The following PLCH1 variants were observed in gnomAD, a reference collection of about 807,000 sequenced individuals.
PLCH1 encodes phospholipase C eta 1, also known as 1-phosphatidylinositol 4,5-bisphosphate phosphodiesterase eta-1.
Under a neutral mutation model 126.7 loss-of-function variants are expected in PLCH1, and 60 were observed. That is an observed-to-expected ratio of 0.47 (90% CI 0.38 to 0.59). The LOEUF (loss-of-function observed/expected upper bound fraction) is 0.59. PLCH1 is among the 20% of genes least tolerant of loss of function. The probability of loss-of-function intolerance (pLI) is 0.00; values close to 1 mark genes in which losing one functional copy is unlikely to be tolerated. For missense variants in PLCH1, 1,723 were observed against 2,040.0 expected (o/e 0.84, Z 2.99); for synonymous variants, 719 against 734.9 (o/e 0.98, Z 0.35).
Position 155,504,643 on chromosome 3 carries a change from A to G in PLCH1, c.1633-17T>C. 6.6e-7 allele frequency: 1 copy of G among 1,507,386 alleles called. No individual in the cohort carries two copies. The highest frequency in any genetic ancestry group is 1.7e-5 in the Admixed American group (1 of 59,786). 93.4% of individuals were successfully genotyped at this position (1,507,386 alleles called of 1,614,324 possible). A position where few individuals can be genotyped will look rare whatever the true frequency, so the allele number is the denominator to read the frequency against. On this transcript the variant is annotated splice_polypyrimidine_tract_variant and intron_variant, in intron 12 of 22. Coordinates refer to ENST00000460012, the MANE Select transcript of PLCH1 (RefSeq NM_014996.4). Reference sequence around the variant, plus strand: ...ATCTGGACTCTGAATAAATAAAGGCATAATATAACTATTTATCTTCTTTGC... The same window carrying G: ...ATCTGGACTCTGAATAAATAAAGGCGTAATATAACTATTTATCTTCTTTGC...
chr3:155,706,131 G>A lies in PLCH1; in HGVS notation c.-40-1867C>T, dbSNP rs554878490. Among the ~76,000 whole-genome samples the A allele has an allele frequency of 5.9e-5, 8 of 134,934 alleles. No homozygotes were observed. The South Asian group carries it at 7.3e-4, about 12-fold the overall frequency. The allele number at this position is 134,934 out of a possible 152,430, so 88.5% of individuals were successfully genotyped here. Reference sequence around the variant, plus strand: ...AGAGGTTGCAGTGAGGTGAGACAGCGCCACTGCACTCCAGCCTGGTGACAG... The same window carrying A: ...AGAGGTTGCAGTGAGGTGAGACAGCACCACTGCACTCCAGCCTGGTGACAG... On this transcript the variant is annotated intron_variant, in intron 1 of 22. Transcript: ENST00000460012.
At chr3:155,648,371 T>A (rs1222435985) in intron 2 of PLCH1, among the ~76,000 whole-genome samples, 2 of 152,148 alleles carry the variant, frequency 1.3e-5, no homozygotes, top group East Asian at 3.9e-4. Context: ...AAGGGCAACT[T>A]TACGGACAGA....
intron 6 of PLCH1, 22 bp downstream of exon 6, chr3:155,583,450 C>T (rs746076528): frequency 2.4e-5 from 37 of 1,550,784 alleles, no homozygotes; most frequent in Non-Finnish European, 3.2e-5. Context: ...AGTAAACTTT[C>T]ATTTTAACAG....
At chr3:155,634,269 G>T (rs1457917247) in intron 2 of PLCH1, among the ~76,000 whole-genome samples, 1 of 152,178 alleles carries the variant, frequency 6.6e-6, no homozygotes, top group East Asian at 1.9e-4. Flanking sequence ...AGAAACAGCA[G>T]CAGCGTGTTG....
At chr3:155,539,419 C>T (rs1433958357) in intron 10 of PLCH1, among the ~76,000 whole-genome samples, 7 of 151,766 alleles carry the variant, frequency 4.6e-5, no homozygotes, top group African/African-American at 9.7e-5. Flanking sequence ...ATCAGACAAG[C>T]GAAAGAAATA....
At chr3:155,734,974 G>T (rs1429023190) in intron 1 of PLCH1, among the ~76,000 whole-genome samples, 2 of 152,122 alleles carry the variant, frequency 1.3e-5, no homozygotes, top group East Asian at 3.9e-4. Flanking sequence ...CTCCCAAAGT[G>T]CTGGGATTAC....
At chr3:155,701,410 A>G (rs1577341387) in intron 2 of PLCH1, among the ~76,000 whole-genome samples, 1 of 152,296 alleles carries the variant, frequency 6.6e-6, no homozygotes, top group East Asian at 1.9e-4. Flanking sequence ...TAGCTCTTTT[A>G]TCCTGGCAAC....
At chr3:155,486,073 T>C (rs1405274199) in intron 21 of PLCH1, 8 of 923,758 alleles carry the variant, frequency 8.7e-6, no homozygotes, top group African/African-American at 5.1e-5. Context: ...TGGAGTGATA[T>C]GAAAAAGCAT....
At chr3:155,727,918 A>G (rs981086866) in intron 1 of PLCH1, among the ~76,000 whole-genome samples, 1 of 151,370 alleles carries the variant, frequency 6.6e-6, no homozygotes, top group Non-Finnish European at 1.5e-5. Flanking sequence ...TCTAATTCAC[A>G]CTTACATTAA....
At chr3:155,647,350 C>T (rs1395330905) in intron 2 of PLCH1, among the ~76,000 whole-genome samples, 1 of 151,852 alleles carries the variant, frequency 6.6e-6, no homozygotes, top group Non-Finnish European at 1.5e-5. Flanking sequence ...ATGAAAGACG[C>T]TTGACTGCCT....
chr3:155,545,754 A>G (rs1374740537), intron 10 of PLCH1, among the ~76,000 whole-genome samples: 2 of 151,468 alleles, frequency 1.3e-5, no homozygotes, highest in Non-Finnish European at 3.0e-5. Context: ...CAATAAATGT[A>G]ATCCAGCATA....
intron 4 of PLCH1, among the ~76,000 whole-genome samples, chr3:155,592,716 A>G (rs1353300527): frequency 6.6e-6 from 1 of 152,136 alleles, no homozygotes; most frequent in Non-Finnish European, 1.5e-5. Context: ...TCTCTTGTTT[A>G]TGAGAAAATT....
rs368235840 is a variant in PLCH1, at chr3:155,532,945, T to C, written c.1363-8941A>G. Among the ~76,000 whole-genome samples the C allele has an allele frequency of 3.9e-5, 6 of 152,172 alleles. 1 individual carries two copies. The East Asian group carries it at 5.8e-4, about 15-fold the overall frequency. On this transcript the variant is annotated intron_variant, in intron 10 of 22. Coordinates refer to ENST00000460012, the MANE Select transcript of PLCH1 (RefSeq NM_014996.4). The stretch of plus-strand genomic sequence containing the variant: ...ACAGTTTGGAGGGCTCAGAAGAAGA[T>C]AGGAAGATATGGGAAGGTTTGGGGC...
chr3:155,548,767 T>G (rs1401327990), intron 10 of PLCH1, among the ~76,000 whole-genome samples: 1 of 152,250 alleles, frequency 6.6e-6, no homozygotes, highest in Non-Finnish European at 1.5e-5. Flanking sequence ...CAAAATACCT[T>G]TATGCATATA....
At position 155,490,716 on chromosome 3, in the gene PLCH1, C is replaced by T; in HGVS notation, c.2392+68G>A. On this transcript the variant is annotated intron_variant, in intron 19 of 22. Transcript: ENST00000460012. ...GATTTCTTGCTCTTCTACATAGACA[C>T]TTTTTTTAGTGTAAATTCTATTTCT... The T allele has an allele frequency of 4.4e-6, 4 of 911,064 alleles. No individual in the cohort carries two copies. In the South Asian group the frequency reaches 5.6e-5, roughly 13 times the overall value. 56.4% of individuals were successfully genotyped at this position (911,064 alleles called of 1,614,324 possible). A position where few individuals can be genotyped will look rare whatever the true frequency, so the allele number is the denominator to read the frequency against.
intron 2 of PLCH1, among the ~76,000 whole-genome samples, chr3:155,644,864 G>A (rs980072277): frequency 2.6e-5 from 4 of 152,082 alleles, no homozygotes; most frequent in South Asian, 2.1e-4. Flanking sequence ...CCACTGTGGC[G>A]GCAGTGACAT....
At chr3:155,642,456 C>T (rs912619923) in intron 2 of PLCH1, among the ~76,000 whole-genome samples, 2 of 152,154 alleles carry the variant, frequency 1.3e-5, no homozygotes, top group Non-Finnish European at 2.9e-5. Flanking sequence ...CCACAGGATG[C>T]CAAGATATCT....
At chr3:155,707,647 G>GAAC (rs1746777427) in intron 1 of PLCH1, among the ~76,000 whole-genome samples, 1 of 141,984 alleles carries the variant, frequency 7.0e-6, no homozygotes, top group Non-Finnish European at 1.5e-5. Flanking sequence ...TGGGCAACAA[G>GAAC]AACAAAACTC....
intron 1 of PLCH1, among the ~76,000 whole-genome samples, chr3:155,706,285 A>G (rs1250172634): frequency 6.6e-6 from 1 of 151,938 alleles, no homozygotes; most frequent in Non-Finnish European, 1.5e-5. Context: ...CAGGAGTTTG[A>G]AATCAGCCTG....
Sources: gnomAD v4.1 joint callset for allele counts (sites outside exome capture counted in the v4.1 genomes callset) on GRCh38, gnomAD v4.1.1 for gene constraint, MANE v1.5 for transcripts, NCBI Gene and HGNC (gene_info 2026-07-23, HGNC 2026-07-21) for gene names.